The following RALY variants were observed in gnomAD, a reference collection of about 807,000 sequenced individuals.
The protein encoded by RALY is RNA-binding protein Raly.
A neutral mutation model predicts 30.7 loss-of-function variants in RALY; 15 were observed. The ratio of observed to expected loss-of-function variants is 0.49; its 90% CI spans 0.33 to 0.75. RALY has a LOEUF of 0.75. RALY is among the 30% of genes least tolerant of loss of function. The pLI is 0.02. For missense variants in RALY, 339 were observed against 414.3 expected (o/e 0.82, Z 1.58); for synonymous variants, 177 against 170.8 (o/e 1.04, Z -0.28).
chr20:34,014,553 G>A (rs1207830030), intron 1 of RALY, among the ~76,000 whole-genome samples: 7 of 152,004 alleles, frequency 4.6e-5, no homozygotes, highest in Admixed American at 4.6e-4. Flanking sequence ...TTGGGATTTG[G>A]GTGGAGTATT....
chr20:34,002,246 T>G (rs1007365127), intron 1 of RALY, among the ~76,000 whole-genome samples: 7 of 152,148 alleles, frequency 4.6e-5, no homozygotes, highest in Non-Finnish European at 7.4e-5. Context: ...CCCTAATTGA[T>G]TCTTACACCA....
Position 34,082,859 on chromosome 20 carries a change from C to T in RALY, c.*2954C>T, listed in dbSNP as rs768661533. On this transcript the variant is annotated 3_prime_UTR_variant, in exon 10 of 10. Coordinates refer to ENST00000246194, the MANE Select transcript of RALY (RefSeq NM_016732.3). ...AAGGAGATGGTGATAAATGTGGTAC[C>T]GGATTCTGCCTAAAGGATCAGTCTT... is the stretch of plus-strand genomic sequence containing the variant. 5.3e-5 allele frequency: 8 copies of T among 152,188 alleles called. No individual in the cohort carries two copies. The highest frequency in any genetic ancestry group is 9.7e-5 in the African/African-American group (4 of 41,436). 9.4% of individuals were successfully genotyped at this position (152,188 alleles called of 1,614,324 possible).
chr20:34,045,910 G>T (rs1187385601), intron 2 of RALY, among the ~76,000 whole-genome samples: 1 of 152,154 alleles, frequency 6.6e-6, no homozygotes, highest in Non-Finnish European at 1.5e-5. Flanking sequence ...TTGCCGTCTG[G>T]TGTCTGGCTC....
intron 1 of RALY, among the ~76,000 whole-genome samples, chr20:34,020,524 T>A (rs1384040590): frequency 6.6e-6 from 1 of 152,188 alleles, no homozygotes; most frequent in Non-Finnish European, 1.5e-5. Context: ...CCACTGAGGT[T>A]ACAGGACTGT....
At chr20:34,015,434 T>C (rs1354147481) in intron 1 of RALY, among the ~76,000 whole-genome samples, 1 of 152,162 alleles carries the variant, frequency 6.6e-6, no homozygotes, top group Non-Finnish European at 1.5e-5. Flanking sequence ...TTTTGCACTT[T>C]TCCTAGGTAA....
At chr20:34,048,853 CAAAAAA>C (rs58117454) in intron 2 of RALY, among the ~76,000 whole-genome samples, 1 of 105,610 alleles carries the variant, frequency 9.5e-6, no homozygotes, top group Non-Finnish European at 1.9e-5. Context: ...GACTCCGTCT[CAAAAAA>C]AAAAAAAAAA....
chr20:33,999,337 T>C (rs551701794), intron 1 of RALY, among the ~76,000 whole-genome samples: 2 of 152,216 alleles, frequency 1.3e-5, no homozygotes, highest in African/African-American at 2.4e-5. Context: ...TCCTTACATA[T>C]GCTTTCACTT....
chr20:34,030,039 G>A (rs2032210405), intron 1 of RALY: 1 of 152,264 alleles, frequency 6.6e-6, no homozygotes, highest in African/African-American at 2.4e-5. Flanking sequence ...CATTCAACTT[G>A]TATTCAGTAA....
At chr20:34,063,068 G>C (rs1883525) in intron 2 of RALY, among the ~76,000 whole-genome samples, 1 of 152,184 alleles carries the variant, frequency 6.6e-6, no homozygotes. Flanking sequence ...CTCTGGTCTC[G>C]CACATATTCA....
chr20:34,035,152 C>CAAAAAAAAAAAAAAAAAAA (rs61301033), intron 2 of RALY, among the ~76,000 whole-genome samples: 1 of 32,512 alleles, frequency 3.1e-5, no homozygotes, highest in African/African-American at 5.9e-5. Flanking sequence ...GACTCCATCT[C>CAAAAAAAAAAAAAAAAAAA]AAAAAAAAAA....
chr20:34,065,030 T>G (rs1474071817), intron 2 of RALY: 4 of 152,150 alleles, frequency 2.6e-5, no homozygotes, highest in African/African-American at 9.7e-5. Context: ...TAAGAAATCG[T>G]TTTTAAAAAA....
At chr20:34,048,878 C>T (rs915185596) in intron 2 of RALY, among the ~76,000 whole-genome samples, 1 of 119,418 alleles carries the variant, frequency 8.4e-6, no homozygotes, top group Non-Finnish European at 1.8e-5. Context: ...AAAATTTTCT[C>T]TGCATCACCT....
At chr20:33,996,321 T>C (rs2030628627) in intron 1 of RALY, among the ~76,000 whole-genome samples, 1 of 152,178 alleles carries the variant, frequency 6.6e-6, no homozygotes, top group Non-Finnish European at 1.5e-5. Context: ...TGTAAACTCA[T>C]AGGGTTGTTG....
intron 1 of RALY, among the ~76,000 whole-genome samples, chr20:34,001,876 C>G (rs981571877): frequency 7.9e-5 from 12 of 152,252 alleles, no homozygotes; most frequent in Admixed American, 5.2e-4. Context: ...ATGCCATTCT[C>G]CTGCCTCAGC....
At chr20:34,037,983 C>T (rs1485798818) in intron 2 of RALY, among the ~76,000 whole-genome samples, 3 of 152,170 alleles carry the variant, frequency 2.0e-5, no homozygotes, top group Non-Finnish European at 4.4e-5. Flanking sequence ...ATTCACTCTC[C>T]ACCCAAGGAT....
At chr20:34,035,175 A>AAC (rs2032443114) in intron 2 of RALY, among the ~76,000 whole-genome samples, 1 of 138,792 alleles carries the variant, frequency 7.2e-6, no homozygotes, top group Non-Finnish European at 1.5e-5. Context: ...AAAAAAAAAA[A>AAC]AAAAAAAAAA....
chr20:34,078,494 C>T lies in RALY; in HGVS notation c.877-11C>T. ...AGTGATGTGTGGTCTCTCTTACCTC[C>T]TCCCTATCAGGAACACAGCCAGGAC... On this transcript the variant is annotated splice_polypyrimidine_tract_variant and intron_variant, in intron 8 of 9. Transcript: ENST00000246194. 1 of 1,577,694 alleles carries T rather than the reference C, an allele frequency of 6.3e-7. No individual in the cohort carries two copies. The highest frequency in any genetic ancestry group is 8.6e-7 in the Non-Finnish European group (1 of 1,162,252).
chr20:34,034,905 C>G (rs2032422595), intron 2 of RALY, among the ~76,000 whole-genome samples: 2 of 152,058 alleles, frequency 1.3e-5, no homozygotes, highest in Admixed American at 1.3e-4. Flanking sequence ...GTAATCCCAG[C>G]ACTTTGGGAG....
intron 8 of RALY, chr20:34,077,677 T>G (rs1262232385): frequency 3.7e-6 from 1 of 270,064 alleles, no homozygotes; most frequent in Non-Finnish European, 7.2e-6. Flanking sequence ...GCTCCCCGCC[T>G]GTTACTAGAA....
Sources: gnomAD v4.1 joint callset for allele counts (sites outside exome capture counted in the v4.1 genomes callset) on GRCh38, gnomAD v4.1.1 for gene constraint, MANE v1.5 for transcripts, NCBI Gene and HGNC (gene_info 2026-07-23, HGNC 2026-07-21) for gene names.